Variants in RASGRP3 observed in about 807,000 individuals in gnomAD.
RASGRP3 encodes RAS guanyl releasing protein 3, also known as ras guanyl-releasing protein 3.
Under a neutral mutation model 82.7 loss-of-function variants are expected in RASGRP3, and 54 were observed. That is an observed-to-expected ratio of 0.65 (90% CI 0.52 to 0.82). The LOEUF is 0.82. Ranked by LOEUF, RASGRP3 falls within the 40% of genes least tolerant of loss-of-function variation. The pLI is 0.00. For synonymous variants in RASGRP3, 309 were observed against 300.5 expected (o/e 1.03, Z -0.29); for missense variants, 861 against 828.9 (o/e 1.04, Z -0.48).
At chr2:33,460,516 AT>A (rs746782383) in intron 2 of RASGRP3, among the ~76,000 whole-genome samples, 6,123 of 140,544 alleles carry the variant, frequency 0.044, 370 homozygotes, top group African/African-American at 0.14. Context: ...TTTAGATATA[AT>A]TTTTTTTTTT....
chr2:33,453,736 C>T (rs997974274), intron 2 of RASGRP3, among the ~76,000 whole-genome samples: 3 of 152,046 alleles, frequency 2.0e-5, no homozygotes, highest in Non-Finnish European at 2.9e-5. Flanking sequence ...TCTTGGGAGG[C>T]CATCTGCAGA....
At chr2:33,456,675 T>C (rs531318064) in intron 2 of RASGRP3, among the ~76,000 whole-genome samples, 1 of 152,338 alleles carries the variant, frequency 6.6e-6, no homozygotes, top group East Asian at 1.9e-4. Context: ...GTTTGAGGTC[T>C]TGACATATTT....
chr2:33,502,273 G>A (rs1183196656), intron 1 of RASGRP3, among the ~76,000 whole-genome samples: 1 of 152,128 alleles, frequency 6.6e-6, no homozygotes, highest in Non-Finnish European at 1.5e-5. Flanking sequence ...AGAGAAGAAA[G>A]GCATGGTGCT....
At position 33,515,152 on chromosome 2, in the gene RASGRP3, C is replaced by T. The variant is rs1558469822; in HGVS notation, c.16C>T (p.Leu6Phe). ...CTAAATAACCATGGGATCAAGTGGCCTTGGGAAAGCAGCAACATTAGATGA... is the reference window on the plus strand; with the variant it reads ...CTAAATAACCATGGGATCAAGTGGCTTTGGGAAAGCAGCAACATTAGATGA... MGSSG[L>F]GKAATLDELL... Residue 6 changes from leucine to phenylalanine, a missense_variant, in exon 3 of 18, where the codon CTT (leucine) becomes TTT (phenylalanine). Coordinates refer to ENST00000403687, the MANE Select transcript of RASGRP3 (RefSeq NM_001139488.2). 6.2e-7 allele frequency: 1 copy of T among 1,613,790 alleles called. No individual in the cohort carries two copies. The highest frequency in any genetic ancestry group is 8.5e-7 in the Non-Finnish European group (1 of 1,179,852).
At position 33,562,725 on chromosome 2, in the gene RASGRP3, T is replaced by G. The variant is rs1474488877; in HGVS notation, c.2065-4T>G. On this transcript the variant is annotated splice_region_variant and splice_polypyrimidine_tract_variant and intron_variant, in intron 17 of 17. Transcript: ENST00000403687. ...CATGCAATAGGTTCCAATTTGTGTT[T>G]CAGGATGGCTGACTTCAGGCTGCGG... 1 of 1,613,642 alleles carries G rather than the reference T, an allele frequency of 6.2e-7. No individual in the cohort carries two copies. Among genetic ancestry groups the G allele is most frequent in the East Asian group, 2.2e-5 (1 of 44,882 alleles).
At chr2:33,488,954 ATT>A (rs5830263) in intron 1 of RASGRP3, among the ~76,000 whole-genome samples, 12 of 147,278 alleles carry the variant, frequency 8.1e-5, no homozygotes, top group Admixed American at 2.0e-4. Context: ...GGTTTGACCG[ATT>A]TTTTTTTTTT....
intron 10 of RASGRP3, among the ~76,000 whole-genome samples, chr2:33,530,307 C>G: frequency 6.6e-6 from 1 of 152,090 alleles, no homozygotes. Context: ...AAAGAGAACC[C>G]TTATGTTCAT....
At chr2:33,436,774 A>G (rs76874820) in intron 1 of RASGRP3, among the ~76,000 whole-genome samples, 2,220 of 152,314 alleles carry the variant, frequency 0.015, 52 homozygotes, top group African/African-American at 0.05. Flanking sequence ...TCAGGTTTTT[A>G]CAATAAATAT....
At chr2:33,463,313 A>C (rs925722395) in intron 2 of RASGRP3, among the ~76,000 whole-genome samples, 2 of 152,248 alleles carry the variant, frequency 1.3e-5, no homozygotes, top group African/African-American at 4.8e-5. Flanking sequence ...ACACTGCCAT[A>C]AAGGTAAATT....
chr2:33,489,000 A>G (rs112900359), intron 1 of RASGRP3, among the ~76,000 whole-genome samples: 12 of 151,860 alleles, frequency 7.9e-5, no homozygotes, highest in South Asian at 4.2e-4. Context: ...GCATCAGTCT[A>G]TATCAGTGGT....
Position 33,519,374 on chromosome 2 carries a change from T to C in RASGRP3, c.174-578T>C, listed in dbSNP as rs1202740729. Among the ~76,000 whole-genome samples, 3 of 152,178 alleles carry C rather than the reference T, an allele frequency of 2.0e-5. No individual in the cohort carries two copies. The East Asian group carries it at 5.8e-4, about 29-fold the overall frequency. The stretch of plus-strand genomic sequence containing the variant: ...GCTCACACCTGTAATCCCAGCACTT[T>C]GGGAGGCCGAGGTGGGCGGATCACA... On this transcript the variant is annotated intron_variant, in intron 4 of 17. Transcript: ENST00000403687.
chr2:33,505,465 G>T (rs1457997099), intron 1 of RASGRP3, among the ~76,000 whole-genome samples: 1 of 151,918 alleles, frequency 6.6e-6, no homozygotes, highest in Non-Finnish European at 1.5e-5. Flanking sequence ...ACCACTCCCG[G>T]CTAATTTTGT....
At chr2:33,558,367 G>C (rs1276240085) in intron 16 of RASGRP3, 31 bp downstream of exon 16, 1 of 1,611,960 alleles carries the variant, frequency 6.2e-7, no homozygotes, top group Admixed American at 1.7e-5. Context: ...TGCTGCCATG[G>C]TCTCTTTCTG....
At chr2:33,506,182 C>T (rs1304299378) in intron 1 of RASGRP3, among the ~76,000 whole-genome samples, 2 of 152,202 alleles carry the variant, frequency 1.3e-5, no homozygotes, top group African/African-American at 4.8e-5. Flanking sequence ...GAACGTTATT[C>T]ATTTTCAGAC....
chr2:33,480,268 C>T (rs1029243838), intron 1 of RASGRP3, among the ~76,000 whole-genome samples: 2 of 152,142 alleles, frequency 1.3e-5, no homozygotes, highest in African/African-American at 2.4e-5. Flanking sequence ...TGCTCTCGAT[C>T]TCCTGACCTG....
Position 33,540,556 on chromosome 2 carries a change from T to TTGTGTG in RASGRP3, c.1278+1390_1278+1395dup, listed in dbSNP as rs377215232. Among the ~76,000 whole-genome samples, 329 of 38,582 alleles carry TTGTGTG rather than the reference T, an allele frequency of 8.5e-3. 16 individuals carry two copies. The highest frequency in any genetic ancestry group is 0.015 in the African/African-American group (94 of 6,070). The allele number at this position is 38,582 out of a possible 152,430, so 25.3% of individuals were successfully genotyped here. ...CTCTCTCTCTCTCTGTGTGTGTGTT[T>TTGTGTG]TGTGTGTGTGTGTGTGTGTGTGTGT... On this transcript the variant is annotated intron_variant, in intron 12 of 17. Coordinates refer to ENST00000403687, the MANE Select transcript of RASGRP3 (RefSeq NM_001139488.2).
At chr2:33,545,346 A>C (rs537792215) in intron 13 of RASGRP3, among the ~76,000 whole-genome samples, 232 of 152,376 alleles carry the variant, frequency 1.5e-3, no homozygotes, top group Non-Finnish European at 2.2e-3. Context: ...GATGTTCCAC[A>C]GAAGTAGCTA....
chr2:33,504,449 A>T (rs762187132), intron 1 of RASGRP3, among the ~76,000 whole-genome samples: 9 of 152,360 alleles, frequency 5.9e-5, no homozygotes, highest in Middle Eastern at 6.8e-3. Flanking sequence ...TATTGCTATA[A>T]ACATTGTGCT....
intron 1 of RASGRP3, among the ~76,000 whole-genome samples, chr2:33,506,313 G>C (rs1558458169): frequency 2.0e-5 from 3 of 152,186 alleles, no homozygotes; most frequent in Non-Finnish European, 2.9e-5. Flanking sequence ...ATTTTTGTGG[G>C]TAGTAGAAAA....
Sources: gnomAD v4.1 joint callset for allele counts (sites outside exome capture counted in the v4.1 genomes callset) on GRCh38, gnomAD v4.1.1 for gene constraint, MANE v1.5 for transcripts, NCBI Gene and HGNC (gene_info 2026-07-23, HGNC 2026-07-21) for gene names.